The following OPCML variants were observed in gnomAD, a reference collection of about 807,000 sequenced individuals.
The protein encoded by OPCML is opioid-binding protein/cell adhesion molecule.
A neutral mutation model predicts 37.8 loss-of-function variants in OPCML; 13 were observed. The observed-to-expected ratio is 0.34, with a 90% CI of 0.22 to 0.55. The LOEUF (loss-of-function observed/expected upper bound fraction) is 0.55. OPCML is among the 20% of genes least tolerant of loss of function. The probability of loss-of-function intolerance (pLI) is 0.91; values close to 1 mark genes in which losing one functional copy is unlikely to be tolerated. For missense variants in OPCML, 341 were observed against 435.6 expected, an observed-to-expected ratio of 0.78 and a Z score of 1.93; for synonymous variants, 176 against 168.8, an observed-to-expected ratio of 1.04 and a Z score of -0.33.
chr11:133,402,307 T>C (rs747081652), intron 1 of OPCML, among the ~76,000 whole-genome samples: 5 of 152,148 alleles, frequency 3.3e-5, no homozygotes, highest in Admixed American at 2.6e-4. Flanking sequence ...ATGAGTTCAT[T>C]CATGAAGGCA....
intron 2 of OPCML, among the ~76,000 whole-genome samples, chr11:132,806,784 C>A (rs1416351098): frequency 1.3e-5 from 2 of 152,098 alleles, no homozygotes; most frequent in Admixed American, 6.5e-5. Context: ...ACACTACACC[C>A]AACAGTGCCA....
At chr11:132,635,530 A>G (rs1233681935) in intron 3 of OPCML, among the ~76,000 whole-genome samples, 1 of 150,180 alleles carries the variant, frequency 6.7e-6, no homozygotes, top group African/African-American at 2.5e-5. Flanking sequence ...GTTTTATTCA[A>G]GGAAAAAAAA....
intron 1 of OPCML, among the ~76,000 whole-genome samples, chr11:133,359,221 G>A (rs1395704643): frequency 6.6e-6 from 1 of 152,122 alleles, no homozygotes; most frequent in African/African-American, 2.4e-5. Context: ...AGGCTTTTGG[G>A]TTTCTCACCC....
chr11:132,753,823 G>A (rs1234401614), intron 2 of OPCML, among the ~76,000 whole-genome samples: 2 of 152,184 alleles, frequency 1.3e-5, no homozygotes, highest in South Asian at 2.1e-4. Flanking sequence ...ATATATTACA[G>A]GCACAATGGG....
intron 3 of OPCML, among the ~76,000 whole-genome samples, chr11:132,639,263 G>A (rs1940703863): frequency 6.6e-6 from 1 of 152,152 alleles, no homozygotes; most frequent in Non-Finnish European, 1.5e-5. Context: ...AGAAGCTTAG[G>A]TGCCTAGAAA....
chr11:132,469,225 A>G (rs1225670153), intron 4 of OPCML, among the ~76,000 whole-genome samples: 1 of 152,216 alleles, frequency 6.6e-6, no homozygotes, highest in African/African-American at 2.4e-5. Context: ...AATAAGAGGG[A>G]AAAGATAGGA....
chr11:133,444,517 A>G (rs1946430912), intron 1 of OPCML, among the ~76,000 whole-genome samples: 2 of 152,186 alleles, frequency 1.3e-5, no homozygotes, highest in Non-Finnish European at 2.9e-5. Flanking sequence ...TAAATCAAAT[A>G]TAAAACTGGT....
At chr11:133,195,775 T>C (rs1335965413) in intron 1 of OPCML, among the ~76,000 whole-genome samples, 2 of 152,234 alleles carry the variant, frequency 1.3e-5, no homozygotes, top group Non-Finnish European at 2.9e-5. Context: ...AGGGACACAT[T>C]TGTCTTCTTC....
intron 2 of OPCML, among the ~76,000 whole-genome samples, chr11:132,710,594 T>A (rs1202036643): frequency 6.6e-6 from 1 of 152,076 alleles, no homozygotes; most frequent in Non-Finnish European, 1.5e-5. Context: ...GGCTCATGCC[T>A]GTAATCCCAG....
Position 133,021,913 on chromosome 11 carries a change from T to C in OPCML, c.62-78903A>G, listed in dbSNP as rs146360805. ...AGCAAAGCAGACTGGATGCTCAGTC[T>C]TTAAGGGGCTGCTTTCTAAGCACAT... is the stretch of plus-strand genomic sequence containing the variant. On this transcript the variant is annotated intron_variant, in intron 1 of 7. Coordinates refer to ENST00000524381, the MANE Select transcript of OPCML (RefSeq NM_001012393.5). Among the ~76,000 whole-genome samples, 271 of 152,322 alleles carry C rather than the reference T, an allele frequency of 1.8e-3. 1 individual carries two copies. The highest frequency in any genetic ancestry group is 7.1e-3 in the South Asian group (34 of 4,822).
intron 1 of OPCML, among the ~76,000 whole-genome samples, chr11:133,474,997 G>A (rs1429805791): frequency 6.6e-6 from 1 of 152,116 alleles, no homozygotes; most frequent in East Asian, 1.9e-4. Context: ...CACCTACCAC[G>A]GTTACCAAGA....
At chr11:132,642,291 C>T (rs899960999) in intron 3 of OPCML, among the ~76,000 whole-genome samples, 1 of 152,148 alleles carries the variant, frequency 6.6e-6, no homozygotes, top group African/African-American at 2.4e-5. Context: ...TCAATGAGTA[C>T]AATTGTGTGT....
At chr11:132,537,718 A>G (rs1161794621) in intron 3 of OPCML, among the ~76,000 whole-genome samples, 1 of 152,240 alleles carries the variant, frequency 6.6e-6, no homozygotes, top group African/African-American at 2.4e-5. Flanking sequence ...TAAAAGCAAT[A>G]AAATGTCAAA....
intron 1 of OPCML, among the ~76,000 whole-genome samples, chr11:133,030,468 C>G (rs73588543): frequency 0.029 from 4,407 of 152,232 alleles, 200 homozygotes; most frequent in African/African-American, 0.1. Flanking sequence ...AGTCTTTGAG[C>G]CTTGTTTTCC....
intron 1 of OPCML, among the ~76,000 whole-genome samples, chr11:132,983,731 A>T (rs1487627723): frequency 1.3e-5 from 2 of 152,224 alleles, no homozygotes; most frequent in African/African-American, 4.8e-5. Flanking sequence ...GGAGTACTCC[A>T]CAAAGCACCA....
chr11:132,787,133 G>C (rs905219450), intron 2 of OPCML, among the ~76,000 whole-genome samples: 1 of 152,142 alleles, frequency 6.6e-6, no homozygotes, highest in African/African-American at 2.4e-5. Flanking sequence ...ACCAGACTTC[G>C]AGAACCAGTG....
intron 1 of OPCML, among the ~76,000 whole-genome samples, chr11:133,098,115 C>T (rs1949030763): frequency 6.6e-6 from 1 of 152,022 alleles, no homozygotes; most frequent in African/African-American, 2.4e-5. Context: ...AAGAAAAATC[C>T]CCAACAAAAC....
At chr11:133,440,556 G>A (rs61500492) in intron 1 of OPCML, among the ~76,000 whole-genome samples, 15,301 of 149,670 alleles carry the variant, frequency 0.1, 1,357 homozygotes, top group African/African-American at 0.23. Flanking sequence ...GTGAAACCCC[G>A]TCTCTACTAA....
intron 2 of OPCML, among the ~76,000 whole-genome samples, chr11:132,922,842 G>A (rs1445756698): frequency 6.6e-6 from 1 of 152,118 alleles, no homozygotes; most frequent in Non-Finnish European, 1.5e-5. Flanking sequence ...GGAGGCTGAG[G>A]TGGAAGGATC....
Sources: allele counts gnomAD v4.1 joint callset (sites outside exome capture counted in the v4.1 genomes callset), GRCh38; gene constraint gnomAD v4.1.1; transcripts MANE v1.5; gene names NCBI Gene and HGNC (gene_info 2026-07-23, HGNC 2026-07-21).